The following KCTD8 variants were observed in gnomAD, a reference collection of about 807,000 sequenced individuals.
KCTD8 encodes the protein BTB/POZ domain-containing protein KCTD8.
KCTD8 carries 27 observed loss-of-function variants against 31.5 expected under a neutral mutation model. That is an observed-to-expected ratio of 0.86 (90% CI 0.63 to 1.18). KCTD8 has a LOEUF of 1.18. KCTD8 is among the 50% of genes most tolerant of loss of function. KCTD8 has a pLI of 0.00. For synonymous variants in KCTD8, 290 were observed against 280.0 expected (o/e 1.04, Z -0.36); for missense variants, 658 against 647.7 (o/e 1.02, Z -0.17).
intron 1 of KCTD8, among the ~76,000 whole-genome samples, chr4:44,180,617 A>ACACT (rs1331274425): frequency 6.6e-6 from 1 of 151,860 alleles, no homozygotes; most frequent in Non-Finnish European, 1.5e-5. Flanking sequence ...ACACACACAC[A>ACACT]CACTTAGATG....
chr4:44,342,761 T>C (rs1244495429), intron 1 of KCTD8, among the ~76,000 whole-genome samples: 6 of 152,218 alleles, frequency 3.9e-5, no homozygotes, highest in Non-Finnish European at 7.3e-5. Flanking sequence ...AGATCTTCTG[T>C]ATAATTTACT....
At chr4:44,186,872 T>C (rs1315090869) in intron 1 of KCTD8, among the ~76,000 whole-genome samples, 2 of 152,246 alleles carry the variant, frequency 1.3e-5, no homozygotes, top group African/African-American at 4.8e-5. Context: ...ATTAATATTA[T>C]CTACAAAATA....
chr4:44,272,187 A>G (rs1716633209), intron 1 of KCTD8, among the ~76,000 whole-genome samples: 1 of 150,414 alleles, frequency 6.6e-6, no homozygotes, highest in Admixed American at 6.6e-5. Flanking sequence ...TCCATCAAGT[A>G]TTGTCAATTT....
At chr4:44,257,550 A>G (rs1303903003) in intron 1 of KCTD8, among the ~76,000 whole-genome samples, 6 of 151,994 alleles carry the variant, frequency 3.9e-5, no homozygotes, top group Admixed American at 3.9e-4. Context: ...AAACAATGAC[A>G]ATGTTTTTCT....
chr4:44,446,634 C>T (rs1029796165), intron 1 of KCTD8, among the ~76,000 whole-genome samples: 1 of 152,128 alleles, frequency 6.6e-6, no homozygotes, highest in East Asian at 1.9e-4. Flanking sequence ...CAAAACGCAC[C>T]CCAGATGCTT....
intron 1 of KCTD8, among the ~76,000 whole-genome samples, chr4:44,431,915 C>T (rs1721515503): frequency 1.3e-5 from 2 of 151,542 alleles, no homozygotes; most frequent in Non-Finnish European, 3.0e-5. Flanking sequence ...CATCTGTAAT[C>T]TCTGGAATAT....
chr4:44,192,064 C>G (rs1273002267), intron 1 of KCTD8, among the ~76,000 whole-genome samples: 2 of 152,158 alleles, frequency 1.3e-5, no homozygotes, highest in South Asian at 2.1e-4. Context: ...TGTACTCTTT[C>G]CCTTTATTTC....
chr4:44,426,945 T>C (rs569347775), intron 1 of KCTD8, among the ~76,000 whole-genome samples: 27 of 151,862 alleles, frequency 1.8e-4, no homozygotes, highest in African/African-American at 6.3e-4. Context: ...TGAAAAACTG[T>C]ATTAAAATAT....
At chr4:44,204,904 C>G (rs1714257945) in intron 1 of KCTD8, among the ~76,000 whole-genome samples, 1 of 151,646 alleles carries the variant, frequency 6.6e-6, no homozygotes, top group Non-Finnish European at 1.5e-5. Flanking sequence ...AATCTGGACA[C>G]AAAATTAAAT....
At chr4:44,196,674 A>C (rs1467779042) in intron 1 of KCTD8, among the ~76,000 whole-genome samples, 1 of 152,162 alleles carries the variant, frequency 6.6e-6, no homozygotes, top group African/African-American at 2.4e-5. Context: ...GAGCCAGAAG[A>C]AGCTTCCTAA....
intron 1 of KCTD8, among the ~76,000 whole-genome samples, chr4:44,435,998 C>T (rs1721634208): frequency 1.3e-5 from 2 of 152,002 alleles, no homozygotes; most frequent in Non-Finnish European, 2.9e-5. Flanking sequence ...ATTAGAAAAC[C>T]ACAGTTTTGT....
At chr4:44,383,960 A>C (rs1720140315) in intron 1 of KCTD8, among the ~76,000 whole-genome samples, 1 of 151,954 alleles carries the variant, frequency 6.6e-6, no homozygotes, top group East Asian at 1.9e-4. Context: ...ACAGAATTCA[A>C]CTCAACAGCA....
At chr4:44,235,578 T>TATATAGAG (rs1553895183) in intron 1 of KCTD8, among the ~76,000 whole-genome samples, 5 of 64,100 alleles carry the variant, frequency 7.8e-5, no homozygotes, top group African/African-American at 2.0e-4. Flanking sequence ...TATATATATT[T>TATATAGAG]AGAGAGAGAG....
chr4:44,242,404 C>T (rs1715530325), intron 1 of KCTD8, among the ~76,000 whole-genome samples: 1 of 151,626 alleles, frequency 6.6e-6, no homozygotes. Context: ...CGGTGAAATC[C>T]CGTCTCTACT....
intron 1 of KCTD8, among the ~76,000 whole-genome samples, chr4:44,333,371 C>A (rs1336273859): frequency 6.6e-6 from 1 of 152,044 alleles, no homozygotes; most frequent in Non-Finnish European, 1.5e-5. Context: ...AGGAAACATT[C>A]TTAATAAAAA....
chr4:44,219,783 T>C (rs1714753527), intron 1 of KCTD8, among the ~76,000 whole-genome samples: 1 of 152,192 alleles, frequency 6.6e-6, no homozygotes, highest in African/African-American at 2.4e-5. Flanking sequence ...ATGGAAGCTA[T>C]TAGAGATATT....
chr4:44,207,281 C>T (rs1714342964), intron 1 of KCTD8, among the ~76,000 whole-genome samples: 1 of 152,032 alleles, frequency 6.6e-6, no homozygotes, highest in African/African-American at 2.4e-5. Flanking sequence ...AATGTTAAAC[C>T]ATCTCTTTCA....
intron 1 of KCTD8, among the ~76,000 whole-genome samples, chr4:44,249,089 C>T (rs113225488): frequency 1.5e-3 from 229 of 151,448 alleles, no homozygotes; most frequent in Non-Finnish European, 2.5e-3. Flanking sequence ...TAACAGTAAA[C>T]GAAGAAGGTT....
At chr4:44,343,717 G>C (rs1718964533) in intron 1 of KCTD8, among the ~76,000 whole-genome samples, 1 of 152,062 alleles carries the variant, frequency 6.6e-6, no homozygotes, top group African/African-American at 2.4e-5. Context: ...CCCAAATGTA[G>C]TTTATATTAT....
Sources: allele counts gnomAD v4.1 joint callset (sites outside exome capture counted in the v4.1 genomes callset), GRCh38; gene constraint gnomAD v4.1.1; transcripts MANE v1.5; gene names NCBI Gene and HGNC (gene_info 2026-07-23, HGNC 2026-07-21).